Variants in ADGRV1 observed in about 807,000 individuals in gnomAD.
ADGRV1 encodes the protein G-protein coupled receptor 98.
A neutral mutation model predicts 596.2 loss-of-function variants in ADGRV1; 359 were observed. The observed-to-expected ratio is 0.60, with a 90% CI of 0.55 to 0.66. The LOEUF (loss-of-function observed/expected upper bound fraction) is 0.66. Among genes scored for constraint, ADGRV1 ranks in the 30% least tolerant of loss-of-function variants. The pLI is 0.00. For missense variants in ADGRV1, 7,274 were observed against 7,575.6 expected, an observed-to-expected ratio of 0.96 and a Z score of 1.48; for synonymous variants, 2,681 against 2,679.2, an observed-to-expected ratio of 1.00 and a Z score of -0.02.
intron 58 of ADGRV1, among the ~76,000 whole-genome samples, chr5:90,762,334 A>G (rs753561897): frequency 5.3e-5 from 8 of 152,180 alleles, no homozygotes; most frequent in Non-Finnish European, 1.0e-4. Flanking sequence ...ATGAGTTTCT[A>G]TGAGGCTTAA....
intron 85 of ADGRV1, among the ~76,000 whole-genome samples, chr5:91,062,910 CT>C (rs2151361452): frequency 6.7e-6 from 1 of 150,082 alleles, no homozygotes; most frequent in East Asian, 2.0e-4. Flanking sequence ...TTAGGTTAAG[CT>C]ACTTTATGTC....
chr5:90,921,214 T>C (rs2150738743), intron 83 of ADGRV1, among the ~76,000 whole-genome samples: 1 of 152,346 alleles, frequency 6.6e-6, no homozygotes, highest in African/African-American at 2.4e-5. Flanking sequence ...TTTTGGTATA[T>C]TTTAACTTTT....
intron 83 of ADGRV1, among the ~76,000 whole-genome samples, chr5:90,951,332 G>T (rs528088069): frequency 6.6e-6 from 1 of 152,132 alleles, no homozygotes; most frequent in African/African-American, 2.4e-5. Context: ...GTTACCTGTG[G>T]TCATTTATTG....
At chr5:91,100,280 G>A (rs1201883295) in intron 86 of ADGRV1, among the ~76,000 whole-genome samples, 1 of 152,038 alleles carries the variant, frequency 6.6e-6, no homozygotes, top group South Asian at 2.1e-4. Flanking sequence ...AAATTAAGTG[G>A]GCGTGGTGGC....
chr5:91,033,172 T>C (rs1784614814), intron 85 of ADGRV1, among the ~76,000 whole-genome samples: 1 of 152,210 alleles, frequency 6.6e-6, no homozygotes, highest in Non-Finnish European at 1.5e-5. Context: ...ACTCCACTTT[T>C]TGTTTACTAA....
rs767181564 is a variant in ADGRV1, at chr5:90,778,911, G to A, written c.12896G>A (p.Arg4299Gln). Reference protein sequence around the residue: ...IRSSGDFGHVRLWYKTMSGTA... With the variant: ...IRSSGDFGHVQLWYKTMSGTA... ...TCCAGTGGAGATTTTGGCCATGTGCGACTCTGGTACAAGACGATGAGCGGG... is the reference window on the plus strand; with the variant it reads ...TCCAGTGGAGATTTTGGCCATGTGCAACTCTGGTACAAGACGATGAGCGGG... Residue 4299 changes from arginine (R) to glutamine (Q), a missense_variant, in exon 64 of 90, where the codon CGA becomes CAA. This residue lies in a region of ADGRV1 where 3,643 missense variants were observed against 3,809.2 expected (regional missense o/e 0.96). Coordinates refer to ENST00000405460, the MANE Select transcript of ADGRV1 (RefSeq NM_032119.4). 1.3e-5 allele frequency: 21 copies of A among 1,613,198 alleles called. No individual in the cohort carries two copies. The highest frequency in any genetic ancestry group is 1.1e-4 in the East Asian group (5 of 44,874).
At chr5:91,098,049 C>G (rs1479624166) in intron 86 of ADGRV1, among the ~76,000 whole-genome samples, 1 of 152,106 alleles carries the variant, frequency 6.6e-6, no homozygotes, top group African/African-American at 2.4e-5. Context: ...TCTGTTTTAT[C>G]TTCACTAATT....
intron 83 of ADGRV1, among the ~76,000 whole-genome samples, chr5:90,916,822 C>T (rs1330714413): frequency 3.3e-5 from 5 of 151,076 alleles, no homozygotes; most frequent in Admixed American, 2.0e-4. Flanking sequence ...TTAGTAGAGA[C>T]GGGGTTTCAC....
At chr5:91,066,719 G>C (rs1787913975) in intron 85 of ADGRV1, among the ~76,000 whole-genome samples, 1 of 152,186 alleles carries the variant, frequency 6.6e-6, no homozygotes, top group South Asian at 2.1e-4. Flanking sequence ...CAAATGTTAA[G>C]TGTTTCACAA....
At chr5:90,825,877 C>G (rs1278050736) in intron 76 of ADGRV1, 1 of 152,278 alleles carries the variant, frequency 6.6e-6, no homozygotes, top group Middle Eastern at 3.4e-3. Flanking sequence ...ATTAGTCACA[C>G]CTCTTCTTTC....
intron 78 of ADGRV1, among the ~76,000 whole-genome samples, chr5:90,842,667 G>A (rs1035542000): frequency 7.2e-5 from 11 of 151,976 alleles, no homozygotes; most frequent in Non-Finnish European, 1.3e-4. Flanking sequence ...GCAGTGAGCC[G>A]AGATGGTGCC....
intron 70 of ADGRV1, among the ~76,000 whole-genome samples, chr5:90,794,227 A>G (rs1159300519): frequency 6.6e-6 from 1 of 152,172 alleles, no homozygotes; most frequent in Non-Finnish European, 1.5e-5. Context: ...GGGTCTTTTA[A>G]CAGGGTAGGT....
At chr5:90,962,392 G>A (rs759281955) in intron 83 of ADGRV1, among the ~76,000 whole-genome samples, 2 of 152,112 alleles carry the variant, frequency 1.3e-5, no homozygotes, top group African/African-American at 4.8e-5. Context: ...TTCTGTTCAT[G>A]TTCAACTTAA....
At chr5:91,020,440 T>C (rs1179051674) in intron 85 of ADGRV1, among the ~76,000 whole-genome samples, 1 of 152,034 alleles carries the variant, frequency 6.6e-6, no homozygotes, top group Non-Finnish European at 1.5e-5. Context: ...CTCACTTGAA[T>C]CTCATAACAG....
intron 65 of ADGRV1, 73 bp from the exon 66 acceptor site, chr5:90,783,051 G>T (rs1454502219): frequency 1.7e-5 from 21 of 1,227,498 alleles, no homozygotes; most frequent in Non-Finnish European, 2.4e-5. Context: ...TAATTGCCAG[G>T]TTTAATTTGG....
intron 47 of ADGRV1, 107 bp from the exon 48 acceptor site, chr5:90,725,442 A>AT: frequency 1.3e-6 from 1 of 751,422 alleles, no homozygotes. Flanking sequence ...TGGTATTAAA[A>AT]TTTTTTAAGT....
At chr5:90,934,315 A>G (rs759150212) in intron 83 of ADGRV1, among the ~76,000 whole-genome samples, 2 of 151,788 alleles carry the variant, frequency 1.3e-5, no homozygotes, top group African/African-American at 2.4e-5. Flanking sequence ...ATGCTGCTCA[A>G]TCTTGCTATT....
At position 90,716,522 on chromosome 5, in the gene ADGRV1, C is replaced by A. The variant is rs756663147; in HGVS notation, c.9240C>A (p.Asn3080Lys). 3.1e-6 allele frequency: 5 copies of A among 1,611,352 alleles called. No homozygotes were observed. The African/African-American group carries it at 6.7e-5, about 22-fold the overall frequency. The change falls in exon 43 of 90, where the codon AAC becomes AAA. Residue 3080 changes from asparagine (N) to lysine (K), a missense_variant. Asn to Lys is a moderately conservative substitution (Grantham distance 94). Around this residue, in one of 5 missense-constraint regions of ADGRV1, gnomAD observed 3,643 missense variants for 3,809.2 expected, o/e 0.96. Coordinates refer to ENST00000405460, the MANE Select transcript of ADGRV1 (RefSeq NM_032119.4). ...GCCCTGGAGTTCTATCATTTAACAA[C>A]AGTGAGCACTTTTTCCTAAGAGAGC... ...DDGPGVLSFN[N>K]SEHFFLREPT...
intron 83 of ADGRV1, among the ~76,000 whole-genome samples, chr5:90,930,812 A>G (rs139851572): frequency 1.1e-4 from 16 of 152,302 alleles, no homozygotes; most frequent in Admixed American, 2.0e-4. Context: ...TTAATGAAAT[A>G]TCTCTCACAA....
Sources: allele counts gnomAD v4.1 joint callset (sites outside exome capture counted in the v4.1 genomes callset), GRCh38; gene constraint gnomAD v4.1.1; regional missense constraint gnomAD v4.1.1; transcripts MANE v1.5; gene names NCBI Gene and HGNC (gene_info 2026-07-23, HGNC 2026-07-21).